The following RIMKLB variants were observed in gnomAD, a reference collection of about 807,000 sequenced individuals.
RIMKLB encodes beta-citrylglutamate synthase B.
RIMKLB carries 7 observed loss-of-function variants against 32.0 expected under a neutral mutation model. That is an observed-to-expected ratio of 0.22 (90% CI 0.12 to 0.41). RIMKLB has a LOEUF of 0.41. Ranked by LOEUF, RIMKLB falls within the 10% of genes least tolerant of loss-of-function variation. The pLI is 1.00. For missense variants in RIMKLB, 289 were observed against 498.7 expected (o/e 0.58, Z 4.00); for synonymous variants, 172 against 185.1 (o/e 0.93, Z 0.57).
At chr12:8,765,405 C>T (rs1949871372) in intron 5 of RIMKLB, among the ~76,000 whole-genome samples, 1 of 152,132 alleles carries the variant, frequency 6.6e-6, no homozygotes, top group African/African-American at 2.4e-5. Flanking sequence ...CTATCATTGA[C>T]CTGACTGAGA....
rs1950580356 is a variant in RIMKLB at position 8,773,856 on chromosome 12, G to T, written c.*72G>T. 3.3e-6 allele frequency: 5 copies of T among 1,527,128 alleles called. No homozygotes were observed. The Admixed American group carries it at 1.0e-4, about 32-fold the overall frequency. The allele number at this position is 1,527,128 out of a possible 1,614,324, so 94.6% of individuals were successfully genotyped here. On this transcript the variant is annotated 3_prime_UTR_variant, in exon 6 of 6. Transcript: ENST00000535829. ...TCTTTTCTATTTTTAAAACCAACTT[G>T]CAATGCTGTTCATGGAGGATGCTCA...
At chr12:8,677,806 G>C (rs951631515), upstream of RIMKLB, among the ~76,000 whole-genome samples, 11 of 150,578 alleles carry the variant, frequency 7.3e-5, no homozygotes, top group African/African-American at 2.4e-4. Flanking sequence ...AAGCTGGAGT[G>C]CAGTGGCACA....
At chr12:8,716,428 T>C (rs11046905) in intron 2 of RIMKLB, among the ~76,000 whole-genome samples, 1 of 138,612 alleles carries the variant, frequency 7.2e-6, no homozygotes, top group South Asian at 2.4e-4. Flanking sequence ...ACCATTAACA[T>C]GTCTTTTTTT....
downstream of RIMKLB, chr12:8,780,042 A>G (rs909860063): frequency 6.6e-6 from 1 of 152,234 alleles, no homozygotes; most frequent in Non-Finnish European, 1.5e-5. Context: ...TAGGTGGCGT[A>G]TGTGTTCGTG....
At chr12:8,718,111 C>T (rs1255134485) in intron 2 of RIMKLB, among the ~76,000 whole-genome samples, 2 of 152,132 alleles carry the variant, frequency 1.3e-5, no homozygotes, top group East Asian at 1.9e-4. Flanking sequence ...CCACTGTAGT[C>T]AAACTACTGT....
chr12:8,754,925 G>A (rs868460067), intron 5 of RIMKLB, among the ~76,000 whole-genome samples: 2 of 152,072 alleles, frequency 1.3e-5, no homozygotes, highest in African/African-American at 4.8e-5. Flanking sequence ...AAGTAGCCGA[G>A]ACCACAGGCA....
At chr12:8,765,046 A>G (rs764825510) in intron 5 of RIMKLB, among the ~76,000 whole-genome samples, 3 of 151,546 alleles carry the variant, frequency 2.0e-5, no homozygotes, top group South Asian at 4.2e-4. Context: ...CTCAGGGCCT[A>G]AGGCACACTT....
intron 1 of RIMKLB, among the ~76,000 whole-genome samples, chr12:8,683,575 A>T (rs1942478058): frequency 6.6e-6 from 1 of 152,096 alleles, no homozygotes; most frequent in Non-Finnish European, 1.5e-5. Flanking sequence ...CTGTTCAGAT[A>T]TTTTGCCCAT....
chr12:8,677,523 T>G (rs1226896026), upstream of RIMKLB, among the ~76,000 whole-genome samples: 3 of 152,046 alleles, frequency 2.0e-5, no homozygotes, highest in African/African-American at 7.2e-5. Flanking sequence ...TCCTAAGTGA[T>G]CCCCCAGTTC....
chr12:8,758,510 C>CT lies in RIMKLB; in HGVS notation c.697+4425dup, dbSNP rs776835072. 9.2e-5 allele frequency among the ~76,000 whole-genome samples: 14 copies of CT among 151,898 alleles called. No homozygotes were observed. In the South Asian group the frequency reaches 2.5e-3, roughly 27 times the overall value. On this transcript the variant is annotated intron_variant, in intron 5 of 5. Transcript: ENST00000535829. The stretch of plus-strand genomic sequence containing the variant: ...ATCCCAGTCTGTGGTATTTCTTCTT[C>CT]TTTTTTTTGATTATAGATTTTGATG...
chr12:8,693,507 C>T (rs1296875977), upstream of RIMKLB, among the ~76,000 whole-genome samples: 2 of 151,966 alleles, frequency 1.3e-5, no homozygotes, highest in South Asian at 2.1e-4. Context: ...AGTGATTCTC[C>T]TGCCTCAGCC....
chr12:8,775,471 C>A lies in RIMKLB; in HGVS notation c.*1687C>A, dbSNP rs777269985. ...CGTAATTTTTTAAACAGCAAGTTTT[C>A]CATCTCCCTACGAATCCTCTGAAGC... On this transcript the variant is annotated 3_prime_UTR_variant, in exon 6 of 6. Transcript: ENST00000535829. 23 of 985,582 alleles carry A rather than the reference C, an allele frequency of 2.3e-5. No individual in the cohort carries two copies. Among genetic ancestry groups the A allele is most frequent in the Non-Finnish European group, 2.8e-5 (23 of 829,886 alleles). 61.1% of individuals were successfully genotyped at this position (985,582 alleles called of 1,614,324 possible). A position where few individuals can be genotyped will look rare whatever the true frequency, so the allele number is the denominator to read the frequency against.
At chr12:8,675,882 A>G in the RIMKLB span, among the ~76,000 whole-genome samples, 1 of 151,944 alleles carries the variant, frequency 6.6e-6, no homozygotes, top group Non-Finnish European at 1.5e-5. Context: ...GAAAAAGTTA[A>G]TCTGTAACAA....
At chr12:8,672,425 G>A in the RIMKLB span, among the ~76,000 whole-genome samples, 1 of 152,150 alleles carries the variant, frequency 6.6e-6, no homozygotes, top group Admixed American at 6.6e-5. Flanking sequence ...AAGAAAAAGA[G>A]GTTTAATTGA....
chr12:8,677,525 C>T (rs964413078), upstream of RIMKLB, among the ~76,000 whole-genome samples: 1 of 152,082 alleles, frequency 6.6e-6, no homozygotes, highest in African/African-American at 2.4e-5. Context: ...CTAAGTGATC[C>T]CCCAGTTCCC....
intron 1 of RIMKLB, among the ~76,000 whole-genome samples, chr12:8,682,774 A>C (rs1401676128): frequency 7.1e-6 from 1 of 140,492 alleles, no homozygotes; most frequent in Non-Finnish European, 1.5e-5. Context: ...TTCCGCCTCA[A>C]AAAAAAATAA....
At chr12:8,779,819 A>G (rs988611564), downstream of RIMKLB, 2 of 152,176 alleles carry the variant, frequency 1.3e-5, no homozygotes, top group Non-Finnish European at 2.9e-5. Context: ...GAAGACGTTT[A>G]TGCTGTGTTG....
chr12:8,774,910 T>G lies in RIMKLB; in HGVS notation c.*1126T>G. On this transcript the variant is annotated 3_prime_UTR_variant, in exon 6 of 6. Transcript: ENST00000535829. ...TGTGCACGCATGCATGTGTATGTGTTTTGCTTTTTGTTTCCATCAACTAAT... is the reference window on the plus strand; with the variant it reads ...TGTGCACGCATGCATGTGTATGTGTGTTGCTTTTTGTTTCCATCAACTAAT... 1 of 985,732 alleles carries G rather than the reference T, an allele frequency of 1.0e-6. No individual in the cohort carries two copies. Among genetic ancestry groups the G allele is most frequent in the Non-Finnish European group, 1.2e-6 (1 of 829,876 alleles). The allele number at this position is 985,732 out of a possible 1,614,324, so 61.1% of individuals were successfully genotyped here.
Position 8,774,719 on chromosome 12 carries a change from T to C in RIMKLB, c.*935T>C, listed in dbSNP as rs1950625873. 1.0e-6 allele frequency: 1 copy of C among 985,716 alleles called. No homozygotes were observed. The highest frequency in any genetic ancestry group is 1.2e-6 in the Non-Finnish European group (1 of 829,892). 61.1% of individuals were successfully genotyped at this position (985,716 alleles called of 1,614,324 possible). A position where few individuals can be genotyped will look rare whatever the true frequency, so the allele number is the denominator to read the frequency against. On this transcript the variant is annotated 3_prime_UTR_variant, in exon 6 of 6. Coordinates refer to ENST00000535829, the MANE Select transcript of RIMKLB (RefSeq NM_001297776.2). ...TGTACATTTAAAGCCTTTTATTTTT[T>C]CCCTTTTTGTTTTGGTAGTTGGGCA...
Sources: allele counts gnomAD v4.1 joint callset (sites outside exome capture counted in the v4.1 genomes callset), GRCh38; gene constraint gnomAD v4.1.1; transcripts MANE v1.5; gene names NCBI Gene and HGNC (gene_info 2026-07-23, HGNC 2026-07-21).